Variants in UBE3C observed in about 807,000 individuals in gnomAD.
The protein encoded by UBE3C is ubiquitin-protein ligase E3C.
UBE3C carries 42 observed loss-of-function variants against 129.4 expected under a neutral mutation model. That is an observed-to-expected ratio of 0.32 (90% CI 0.25 to 0.42). The LOEUF is 0.42. UBE3C is among the 10% of genes least tolerant of loss of function. The pLI, the probability that UBE3C is intolerant of heterozygous loss-of-function variation, is 1.00. For missense variants in UBE3C, 1,049 were observed against 1,319.1 expected, an observed-to-expected ratio of 0.80 and a Z score of 3.17; for synonymous variants, 510 against 492.4, an observed-to-expected ratio of 1.04 and a Z score of -0.47.
chr7:157,198,509 C>T (rs1057511970), intron 10 of UBE3C: 11 of 380,206 alleles, frequency 2.9e-5, no homozygotes, highest in Non-Finnish European at 4.8e-5. Context: ...CGCCCTCCGC[C>T]ATCTTCCGCT....
intron 18 of UBE3C, among the ~76,000 whole-genome samples, chr7:157,232,762 C>T (rs1205658451): frequency 2.0e-5 from 3 of 152,196 alleles, no homozygotes; most frequent in African/African-American, 7.2e-5. Flanking sequence ...TTCTTTGTCT[C>T]ATTGGTGGTT....
chr7:157,227,088 T>G (rs1795898720), intron 17 of UBE3C, among the ~76,000 whole-genome samples: 1 of 152,224 alleles, frequency 6.6e-6, no homozygotes, highest in Non-Finnish European at 1.5e-5. Context: ...GTTTATTTGG[T>G]GTACACAGCT....
chr7:157,166,627 C>G (rs1322478897), intron 2 of UBE3C, among the ~76,000 whole-genome samples: 14 of 151,780 alleles, frequency 9.2e-5, no homozygotes, highest in Admixed American at 2.6e-4. Context: ...GTAATCCCAG[C>G]TCCTCGGGAG....
intron 17 of UBE3C, among the ~76,000 whole-genome samples, chr7:157,229,808 T>C (rs1795973974): frequency 6.6e-6 from 1 of 151,900 alleles, no homozygotes; most frequent in Non-Finnish European, 1.5e-5. Flanking sequence ...GACAGGGTCT[T>C]GCTAGTGTTG....
At position 157,257,202 on chromosome 7, in the gene UBE3C, G is replaced by A. The variant is rs191947595; in HGVS notation, c.3081+158G>A. 1.7e-4 allele frequency among the ~76,000 whole-genome samples: 26 copies of A among 152,228 alleles called. No homozygotes were observed. In the East Asian group the frequency reaches 3.1e-3, roughly 18 times the overall value. ...TACTGGTTATGATGTATATATTTTGGTGCTAGTTTTATTTGGGGTTGCTTT... is the reference window on the plus strand; with the variant it reads ...TACTGGTTATGATGTATATATTTTGATGCTAGTTTTATTTGGGGTTGCTTT... On this transcript the variant is annotated intron_variant, in intron 22 of 22. Transcript: ENST00000348165.
At chr7:157,208,000 C>T (rs1490751508) in intron 13 of UBE3C, 65 bp downstream of exon 13, 9 of 933,928 alleles carry the variant, frequency 9.6e-6, no homozygotes, top group Middle Eastern at 4.2e-4. Flanking sequence ...TGTCTTGACT[C>T]GTTGCAGAGG....
chr7:157,209,251 A>T (rs1310844457), intron 13 of UBE3C, among the ~76,000 whole-genome samples: 1 of 152,224 alleles, frequency 6.6e-6, no homozygotes, highest in East Asian at 1.9e-4. Context: ...GTTTTACAAC[A>T]CATTTCTCTT....
At chr7:157,161,791 G>A (rs1365279022) in intron 1 of UBE3C, among the ~76,000 whole-genome samples, 3 of 152,038 alleles carry the variant, frequency 2.0e-5, no homozygotes, top group South Asian at 4.2e-4. Flanking sequence ...TTGATTCTAG[G>A]CCAAGCATGG....
chr7:157,170,039 T>C (rs1205187187), intron 3 of UBE3C, among the ~76,000 whole-genome samples: 2 of 151,146 alleles, frequency 1.3e-5, no homozygotes, highest in African/African-American at 4.9e-5. Context: ...AGGCTGGTCT[T>C]GAACTCCTGA....
chr7:157,169,162 G>A (rs750446262), intron 3 of UBE3C, 40 bp downstream of exon 3: 2 of 1,526,432 alleles, frequency 1.3e-6, no homozygotes, highest in South Asian at 2.3e-5. Context: ...TAGGGCATGG[G>A]AGAGCTTATT....
intron 1 of UBE3C, among the ~76,000 whole-genome samples, chr7:157,149,893 T>C (rs1322731086): frequency 1.3e-5 from 2 of 152,314 alleles, no homozygotes; most frequent in African/African-American, 4.8e-5. Flanking sequence ...GCTTTCTGCA[T>C]GTCCTTGTTC....
intron 17 of UBE3C, among the ~76,000 whole-genome samples, chr7:157,226,146 G>A (rs1369324946): frequency 6.6e-6 from 1 of 152,132 alleles, no homozygotes; most frequent in African/African-American, 2.4e-5. Flanking sequence ...CTCGATGGTA[G>A]CCATTTATAT....
Position 157,182,258 on chromosome 7 carries a change from A to G in UBE3C, c.921A>G (p.Arg307=), listed in dbSNP as rs745923265. ...FLNALLLIES[R]CSRKSGGAPW... ...ATGCACTGTTGTTAATAGAGAGTAG[A>G]TGTTCAAGAAAGAGTGGTGGAGCAC... Residue 307 remains arginine (R), a synonymous_variant, in exon 8 of 23, where the codon AGA becomes AGG. Coordinates refer to ENST00000348165, the MANE Select transcript of UBE3C (RefSeq NM_014671.3). The G allele has an allele frequency of 7.4e-6, 12 of 1,614,112 alleles. No homozygotes were observed. The highest frequency in any genetic ancestry group is 3.3e-5 in the Admixed American group (2 of 60,008).
chr7:157,256,598 C>A, intron 21 of UBE3C: 1 of 198,092 alleles, frequency 5.0e-6, no homozygotes, highest in African/African-American at 2.3e-5. Flanking sequence ...TGTCCACATC[C>A]ATGGCTTCAA....
chr7:157,161,436 T>A (rs1808067532), intron 1 of UBE3C, among the ~76,000 whole-genome samples: 1 of 148,840 alleles, frequency 6.7e-6, no homozygotes. Context: ...ATCTGGAGGA[T>A]TAATTTCTTT....
intron 22 of UBE3C, among the ~76,000 whole-genome samples, chr7:157,259,342 T>C (rs1388649858): frequency 6.6e-6 from 1 of 152,196 alleles, no homozygotes; most frequent in Non-Finnish European, 1.5e-5. Flanking sequence ...TGTACCCCCA[T>C]TTTCAAGGGG....
chr7:157,258,813 C>T (rs1037419569), intron 22 of UBE3C, among the ~76,000 whole-genome samples: 1 of 152,076 alleles, frequency 6.6e-6, no homozygotes, highest in African/African-American at 2.4e-5. Flanking sequence ...CTTTTTACTT[C>T]GAAACTATTT....
chr7:157,234,040 TTAAG>T, intron 18 of UBE3C, among the ~76,000 whole-genome samples: 1 of 152,234 alleles, frequency 6.6e-6, no homozygotes, highest in East Asian at 1.9e-4. Context: ...TCTTTTATTA[TTAAG>T]TCCCTGCAAT....
At chr7:157,155,786 C>T (rs2116831873) in intron 1 of UBE3C, among the ~76,000 whole-genome samples, 1 of 152,226 alleles carries the variant, frequency 6.6e-6, no homozygotes, top group East Asian at 1.9e-4. Context: ...AACGATAGTA[C>T]CTAAAGCTCC....
Sources: allele counts gnomAD v4.1 joint callset (sites outside exome capture counted in the v4.1 genomes callset), GRCh38; gene constraint gnomAD v4.1.1; transcripts MANE v1.5; gene names NCBI Gene and HGNC (gene_info 2026-07-23, HGNC 2026-07-21).